FSTL5: variants seen among roughly 807,000 people sequenced by gnomAD.
FSTL5 encodes the protein follistatin-related protein 5.
Under a neutral mutation model 89.1 loss-of-function variants are expected in FSTL5, and 62 were observed. That is an observed-to-expected ratio of 0.70 (90% CI 0.57 to 0.86). The LOEUF (loss-of-function observed/expected upper bound fraction) is 0.86, where lower values mean the gene tolerates loss of function less well. FSTL5 is among the 40% of genes least tolerant of loss of function. FSTL5 has a pLI of 0.00. For synonymous variants in FSTL5, 383 were observed against 346.2 expected, an observed-to-expected ratio of 1.11 and a Z score of -1.18; for missense variants, 1,057 against 1,001.6, an observed-to-expected ratio of 1.06 and a Z score of -0.75.
At chr4:161,885,787 G>C (rs894862201) in intron 4 of FSTL5, among the ~76,000 whole-genome samples, 8 of 152,036 alleles carry the variant, frequency 5.3e-5, no homozygotes, top group African/African-American at 9.7e-5. Flanking sequence ...TTCTTTCCTT[G>C]TTTTAGGGTT....
chr4:161,650,988 A>G (rs1408016959), intron 7 of FSTL5, among the ~76,000 whole-genome samples: 1 of 152,144 alleles, frequency 6.6e-6, no homozygotes, highest in Non-Finnish European at 1.5e-5. Context: ...ACAGTTCCGC[A>G]TTTCAACTTC....
chr4:161,507,150 A>G (rs17340184), intron 11 of FSTL5, among the ~76,000 whole-genome samples: 43,082 of 151,766 alleles, frequency 0.28, 6,950 homozygotes, highest in Non-Finnish European at 0.38. Flanking sequence ...GGAGATTGAA[A>G]CTAGCATATG....
intron 3 of FSTL5, among the ~76,000 whole-genome samples, chr4:161,965,939 A>G (rs1735313971): frequency 6.6e-6 from 1 of 152,114 alleles, no homozygotes; most frequent in Non-Finnish European, 1.5e-5. Context: ...CTTAAGGACT[A>G]TTGACTATCC....
intron 15 of FSTL5, among the ~76,000 whole-genome samples, chr4:161,428,786 G>C (rs56067483): frequency 0.2 from 31,029 of 152,046 alleles, 3,262 homozygotes; most frequent in Admixed American, 0.28. Flanking sequence ...CAAGTGTGAC[G>C]AAGCACATTC....
chr4:162,127,700 GT>G (rs1039060781), intron 1 of FSTL5, among the ~76,000 whole-genome samples: 4 of 151,940 alleles, frequency 2.6e-5, no homozygotes, highest in Admixed American at 2.6e-4. Flanking sequence ...TATATATACA[GT>G]TTAAGGATAG....
At chr4:161,979,299 C>T (rs1735750077) in intron 3 of FSTL5, among the ~76,000 whole-genome samples, 2 of 152,088 alleles carry the variant, frequency 1.3e-5, no homozygotes, top group Admixed American at 1.3e-4. Flanking sequence ...AATTTGCAGC[C>T]TGGAGTAAAT....
chr4:161,566,099 A>AATATATATATAT (rs1560956518), intron 8 of FSTL5, among the ~76,000 whole-genome samples: 1 of 24,652 alleles, frequency 4.1e-5, no homozygotes, highest in African/African-American at 1.3e-4. Context: ...TTTTTTTTGG[A>AATATATATATAT]CTATATATAT....
intron 2 of FSTL5, among the ~76,000 whole-genome samples, chr4:162,102,109 C>G (rs1285026636): frequency 1.3e-5 from 2 of 151,850 alleles, no homozygotes; most frequent in Non-Finnish European, 2.9e-5. Context: ...TATTCTTTAG[C>G]TAATTATTAT....
chr4:161,521,858 AAAAAAAGAAAAAAAAAG>A (rs1731044136), intron 10 of FSTL5, among the ~76,000 whole-genome samples: 1 of 140,972 alleles, frequency 7.1e-6, no homozygotes, highest in African/African-American at 2.6e-5. Flanking sequence ...CAAAAAAAAA[AAAAAAAGAAAAAAAAAG>A]AAAAAAAGGT....
chr4:161,965,367 G>A (rs1020344195), intron 3 of FSTL5, among the ~76,000 whole-genome samples: 2 of 152,102 alleles, frequency 1.3e-5, no homozygotes, highest in African/African-American at 4.8e-5. Flanking sequence ...GGCTCAAAGA[G>A]TTTTGGTGTC....
chr4:161,936,497 A>G (rs1483482337), intron 3 of FSTL5, among the ~76,000 whole-genome samples: 2 of 152,186 alleles, frequency 1.3e-5, no homozygotes, highest in Non-Finnish European at 2.9e-5. Context: ...GATAGGTGGG[A>G]ACTGTCTTAG....
At chr4:162,139,568 A>T (rs901623810) in intron 1 of FSTL5, among the ~76,000 whole-genome samples, 4 of 152,116 alleles carry the variant, frequency 2.6e-5, no homozygotes, top group Non-Finnish European at 4.4e-5. Context: ...GACTTTGCAC[A>T]TAAATGTCAG....
chr4:161,976,117 C>CAAA lies in FSTL5; in HGVS notation c.161-55468_161-55466dup, dbSNP rs371745777. Among the ~76,000 whole-genome samples the CAAA allele has an allele frequency of 7.4e-3, 480 of 65,138 alleles. 6 individuals are homozygous for CAAA. Among genetic ancestry groups the CAAA allele is most frequent in the African/African-American group, 0.024 (427 of 17,930 alleles). The allele number at this position is 65,138 out of a possible 152,430, so 42.7% of individuals were successfully genotyped here. ...TGGGTGACAGAGCGAGACTCCGCCT[C>CAAA]AAAAAAAAAAAAAAAAAAAAAAGAT... On this transcript the variant is annotated intron_variant, in intron 3 of 15. Transcript: ENST00000306100.
chr4:161,555,577 C>A (rs1272076069), intron 8 of FSTL5, among the ~76,000 whole-genome samples: 1 of 151,528 alleles, frequency 6.6e-6, no homozygotes, highest in East Asian at 2.0e-4. Flanking sequence ...GTTACAGTAA[C>A]CTCCTCCTAA....
chr4:161,767,785 A>G (rs1741066394), intron 5 of FSTL5, among the ~76,000 whole-genome samples: 1 of 144,840 alleles, frequency 6.9e-6, no homozygotes, highest in Admixed American at 6.8e-5. Flanking sequence ...TTCAGACAAT[A>G]TAGCACAGAT....
intron 2 of FSTL5, among the ~76,000 whole-genome samples, chr4:162,107,400 TAAGTC>T (rs1168537303): frequency 2.0e-5 from 3 of 152,156 alleles, no homozygotes; most frequent in African/African-American, 4.8e-5. Context: ...AGTGACATGT[TAAGTC>T]AAGTTCATCA....
intron 3 of FSTL5, among the ~76,000 whole-genome samples, chr4:161,970,234 G>C (rs1343096187): frequency 1.3e-5 from 2 of 152,084 alleles, no homozygotes; most frequent in African/African-American, 4.8e-5. Context: ...GAATGAAAAG[G>C]TAGAGACAGA....
In FSTL5 at chr4:161,385,387, A is replaced by G. The variant is rs926698814; in HGVS notation, c.*360T>C. On this transcript the variant is annotated 3_prime_UTR_variant, in exon 16 of 16. Transcript: ENST00000306100. The stretch of plus-strand genomic sequence containing the variant: ...GTTTAATCATACCAAAAGGACAGAG[A>G]AAAAAAATAAACTACCCTCAAAATG... The G allele has an allele frequency of 5.6e-6, 1 of 178,482 alleles. No homozygotes were observed. The highest frequency in any genetic ancestry group is 2.4e-5 in the African/African-American group (1 of 42,028). 11.1% of individuals were successfully genotyped at this position (178,482 alleles called of 1,614,324 possible). A position where few individuals can be genotyped will look rare whatever the true frequency, so the allele number is the denominator to read the frequency against.
intron 4 of FSTL5, among the ~76,000 whole-genome samples, chr4:161,908,917 G>C (rs1733614636): frequency 1.3e-5 from 2 of 151,718 alleles, no homozygotes; most frequent in Admixed American, 1.3e-4. Flanking sequence ...CCTTTTTTTG[G>C]CATAAATAAA....
Sources: gnomAD v4.1 joint callset for allele counts (sites outside exome capture counted in the v4.1 genomes callset) on GRCh38, gnomAD v4.1.1 for gene constraint, MANE v1.5 for transcripts, NCBI Gene and HGNC (gene_info 2026-07-23, HGNC 2026-07-21) for gene names.